The following SLC25A21 variants were observed in gnomAD, a reference collection of about 807,000 sequenced individuals.
The protein encoded by SLC25A21 is solute carrier family 25 member 21.
Under a neutral mutation model 43.8 loss-of-function variants are expected in SLC25A21, and 47 were observed. The ratio of observed to expected loss-of-function variants is 1.07; its 90% CI spans 0.85 to 1.37. The LOEUF (loss-of-function observed/expected upper bound fraction) is 1.37, where lower values mean the gene tolerates loss of function less well. Ranked by LOEUF, SLC25A21 falls within the 40% of genes most tolerant of loss-of-function variation. The pLI is 0.00. For synonymous variants in SLC25A21, 131 were observed against 121.3 expected (o/e 1.08, Z -0.52); for missense variants, 352 against 350.2 (o/e 1.00, Z -0.04).
chr14:37,107,624 C>T (rs1367337285), intron 1 of SLC25A21, among the ~76,000 whole-genome samples: 1 of 152,128 alleles, frequency 6.6e-6, no homozygotes, highest in Non-Finnish European at 1.5e-5. Flanking sequence ...TTTACTCATT[C>T]AATCCATATC....
chr14:36,785,665 T>C (rs1373288538), intron 3 of SLC25A21, among the ~76,000 whole-genome samples: 1 of 152,186 alleles, frequency 6.6e-6, no homozygotes, highest in South Asian at 2.1e-4. Context: ...TCAATTTCAG[T>C]TGGTTGTCTT....
intron 1 of SLC25A21, among the ~76,000 whole-genome samples, chr14:37,006,058 AG>A (rs1180368898): frequency 6.6e-6 from 1 of 152,226 alleles, no homozygotes; most frequent in Non-Finnish European, 1.5e-5. Context: ...GCCAAGGACA[AG>A]TTTAGATGTG....
At chr14:37,101,095 GA>G (rs959975361) in intron 1 of SLC25A21, among the ~76,000 whole-genome samples, 1 of 152,044 alleles carries the variant, frequency 6.6e-6, no homozygotes, top group African/African-American at 2.4e-5. Context: ...ATTGTGTATT[GA>G]AAAATAATGT....
At chr14:36,946,094 T>G (rs1183423961) in intron 1 of SLC25A21, among the ~76,000 whole-genome samples, 2 of 152,190 alleles carry the variant, frequency 1.3e-5, no homozygotes, top group Non-Finnish European at 2.9e-5. Context: ...AGGATGTAAG[T>G]AGAAACATTT....
chr14:36,730,429 G>C (rs1308118645), intron 4 of SLC25A21, among the ~76,000 whole-genome samples: 2 of 152,138 alleles, frequency 1.3e-5, no homozygotes, highest in African/African-American at 4.8e-5. Context: ...AGTTCTGCTA[G>C]AGTCTGATTC....
chr14:37,019,925 C>T (rs1171422123), intron 1 of SLC25A21, among the ~76,000 whole-genome samples: 1 of 151,642 alleles, frequency 6.6e-6, no homozygotes, highest in Non-Finnish European at 1.5e-5. Flanking sequence ...GAGATAACCT[C>T]CTAAAAGACA....
chr14:37,057,862 A>C (rs1262362377), intron 1 of SLC25A21, among the ~76,000 whole-genome samples: 1 of 152,226 alleles, frequency 6.6e-6, no homozygotes, highest in African/African-American at 2.4e-5. Context: ...ATCTTAATAA[A>C]TTAATATCTA....
chr14:37,016,470 G>A (rs186403036), intron 1 of SLC25A21, among the ~76,000 whole-genome samples: 487 of 152,248 alleles, frequency 3.2e-3, no homozygotes, highest in Admixed American at 5.1e-3. Context: ...TTGAAGTCAG[G>A]TAGCGTGATG....
intron 6 of SLC25A21, among the ~76,000 whole-genome samples, chr14:36,720,843 A>G (rs1057426619): frequency 5.9e-5 from 9 of 152,236 alleles, no homozygotes; most frequent in African/African-American, 2.2e-4. Flanking sequence ...ATGGGCCCTT[A>G]TCTGAGTTTA....
intron 1 of SLC25A21, among the ~76,000 whole-genome samples, chr14:37,143,081 G>A (rs897392719): frequency 2.0e-5 from 3 of 152,142 alleles, no homozygotes; most frequent in Non-Finnish European, 2.9e-5. Flanking sequence ...TTAGTCAGCT[G>A]AGAAACATAG....
intron 1 of SLC25A21, among the ~76,000 whole-genome samples, chr14:37,022,247 ATAT>A (rs1367301958): frequency 6.6e-6 from 1 of 152,036 alleles, no homozygotes; most frequent in Non-Finnish European, 1.5e-5. Flanking sequence ...AATTTTACAC[ATAT>A]TATACTAACA....
intron 1 of SLC25A21, among the ~76,000 whole-genome samples, chr14:36,888,917 G>A (rs993152136): frequency 6.6e-6 from 1 of 152,180 alleles, no homozygotes; most frequent in Non-Finnish European, 1.5e-5. Flanking sequence ...CAGAGTAAAT[G>A]ACTTCTGACC....
At chr14:36,811,918 A>T (rs1888284616) in intron 3 of SLC25A21, among the ~76,000 whole-genome samples, 1 of 152,222 alleles carries the variant, frequency 6.6e-6, no homozygotes, top group Non-Finnish European at 1.5e-5. Context: ...GATGGAAAAG[A>T]TAGATAATAC....
intron 1 of SLC25A21, among the ~76,000 whole-genome samples, chr14:36,937,840 G>T (rs2138645032): frequency 6.6e-6 from 1 of 152,104 alleles, no homozygotes; most frequent in Admixed American, 6.6e-5. Context: ...AAAGGAAAGA[G>T]TTTTTTTGTG....
intron 1 of SLC25A21, among the ~76,000 whole-genome samples, chr14:37,076,790 AG>A (rs1207574266): frequency 1.3e-5 from 2 of 152,104 alleles, no homozygotes; most frequent in Non-Finnish European, 2.9e-5. Flanking sequence ...GGCCCCCGTA[AG>A]ACTTCTTAAT....
At chr14:37,038,300 T>C (rs2138778842) in intron 1 of SLC25A21, among the ~76,000 whole-genome samples, 1 of 152,284 alleles carries the variant, frequency 6.6e-6, no homozygotes, top group South Asian at 2.1e-4. Context: ...TATTTGTTGG[T>C]AGAAAAATGA....
chr14:36,876,813 C>CAT lies in SLC25A21; in HGVS notation c.71-1811_71-1810dup, dbSNP rs111276484. Among the ~76,000 whole-genome samples, 560 of 149,542 alleles carry CAT rather than the reference C, an allele frequency of 3.7e-3. 2 individuals are homozygous for CAT. The highest frequency in any genetic ancestry group is 0.012 in the African/African-American group (503 of 40,744). ...TGTTGCTGTTTTTGAATCTGACTCA[C>CAT]ATATATATATATGAAATATGTATAT... is the stretch of plus-strand genomic sequence containing the variant. On this transcript the variant is annotated intron_variant, in intron 1 of 9. Coordinates refer to ENST00000331299, the MANE Select transcript of SLC25A21 (RefSeq NM_030631.4).
At chr14:36,946,857 T>C (rs1892690304) in intron 1 of SLC25A21, among the ~76,000 whole-genome samples, 1 of 152,202 alleles carries the variant, frequency 6.6e-6, no homozygotes, top group South Asian at 2.1e-4. Context: ...AACCAACCTG[T>C]GCTCAGACCA....
chr14:36,698,200 T>C (rs1409444923), intron 7 of SLC25A21, among the ~76,000 whole-genome samples: 1 of 152,216 alleles, frequency 6.6e-6, no homozygotes, highest in East Asian at 1.9e-4. Context: ...TATGAAATTC[T>C]GGGTTGAAAA....
Sources: gnomAD v4.1 joint callset for allele counts (sites outside exome capture counted in the v4.1 genomes callset) on GRCh38, gnomAD v4.1.1 for gene constraint, MANE v1.5 for transcripts, NCBI Gene and HGNC (gene_info 2026-07-23, HGNC 2026-07-21) for gene names.